Variants in AUTS2 observed in about 807,000 individuals in gnomAD.
AUTS2 encodes activator of transcription and developmental regulator AUTS2, also known as autism susceptibility gene 2 protein.
AUTS2 carries 17 observed loss-of-function variants against 112.4 expected under a neutral mutation model. The observed-to-expected ratio is 0.15, with a 90% CI of 0.10 to 0.23. The LOEUF is 0.23. AUTS2 is among the 10% of genes least tolerant of loss of function. The pLI is 1.00. For missense variants in AUTS2, 1,510 were observed against 1,701.6 expected (o/e 0.89, Z 1.98); for synonymous variants, 751 against 702.7 (o/e 1.07, Z -1.09).
intron 4 of AUTS2, among the ~76,000 whole-genome samples, chr7:70,219,763 G>A (rs1343465548): frequency 6.6e-6 from 1 of 151,770 alleles, no homozygotes; most frequent in African/African-American, 2.4e-5. Flanking sequence ...GTAGAGACAG[G>A]GTTTCACCAC....
intron 6 of AUTS2, among the ~76,000 whole-genome samples, chr7:70,742,854 C>G (rs1788198492): frequency 6.6e-6 from 1 of 152,140 alleles, no homozygotes; most frequent in African/African-American, 2.4e-5. Flanking sequence ...GAATCGGAGA[C>G]TCTTAGAACT....
rs572354089 is a variant in AUTS2 at position 70,335,874 on chromosome 7, A to G, written c.661-99878A>G. On this transcript the variant is annotated intron_variant, in intron 4 of 18. Coordinates refer to ENST00000342771, the MANE Select transcript of AUTS2 (RefSeq NM_015570.4). ...AAGCCAATTGTGCATGACATAGTGC[A>G]GGTCTCTGTATGTAGTTATGGAAAA... Among the ~76,000 whole-genome samples the G allele has an allele frequency of 9.8e-5, 15 of 152,336 alleles. 1 individual carries two copies. The South Asian group carries it at 2.9e-3, about 29-fold the overall frequency.
chr7:70,425,678 GC>G (rs1000124223), intron 4 of AUTS2, among the ~76,000 whole-genome samples: 4 of 152,190 alleles, frequency 2.6e-5, no homozygotes, highest in Non-Finnish European at 4.4e-5. Flanking sequence ...TTCACTGCCT[GC>G]CTGGGGAGCA....
At chr7:70,559,532 A>G (rs1801392982) in intron 5 of AUTS2, among the ~76,000 whole-genome samples, 1 of 151,842 alleles carries the variant, frequency 6.6e-6, no homozygotes, top group African/African-American at 2.4e-5. Context: ...ATGGGGTTTC[A>G]CCATATGGTC....
At chr7:70,506,652 A>G (rs549931078) in intron 5 of AUTS2, among the ~76,000 whole-genome samples, 39 of 152,334 alleles carry the variant, frequency 2.6e-4, no homozygotes, top group African/African-American at 8.4e-4. Flanking sequence ...GGTCAACTGC[A>G]GATACACCAT....
intron 1 of AUTS2, among the ~76,000 whole-genome samples, chr7:69,657,484 G>A (rs907585521): frequency 3.3e-5 from 5 of 152,198 alleles, no homozygotes; most frequent in African/African-American, 1.2e-4. Flanking sequence ...CTTAAGAGTC[G>A]CAGTCAGCTA....
chr7:70,362,807 T>A (rs142043473), intron 4 of AUTS2, among the ~76,000 whole-genome samples: 2 of 152,302 alleles, frequency 1.3e-5, no homozygotes, highest in Admixed American at 1.3e-4. Context: ...TTTCAACAGA[T>A]ACTTAAGGAC....
At chr7:69,832,916 A>T (rs1293315132) in intron 1 of AUTS2, among the ~76,000 whole-genome samples, 1 of 152,222 alleles carries the variant, frequency 6.6e-6, no homozygotes, top group East Asian at 1.9e-4. Context: ...AACAGAAAAT[A>T]CTAATTAGTT....
chr7:70,258,223 A>G (rs1046823145), intron 4 of AUTS2, among the ~76,000 whole-genome samples: 1 of 152,244 alleles, frequency 6.6e-6, no homozygotes, highest in Non-Finnish European at 1.5e-5. Flanking sequence ...TGGTTTGACA[A>G]TGTTGAGACT....
chr7:70,570,792 T>A (rs553072094), intron 5 of AUTS2, among the ~76,000 whole-genome samples: 5 of 152,180 alleles, frequency 3.3e-5, no homozygotes, highest in Non-Finnish European at 5.9e-5. Context: ...TCCCATCTGA[T>A]CTCTTGTCTT....
intron 5 of AUTS2, among the ~76,000 whole-genome samples, chr7:70,633,547 G>T (rs1038263715): frequency 6.0e-5 from 9 of 150,018 alleles, no homozygotes; most frequent in African/African-American, 1.7e-4. Flanking sequence ...GGAGGCGGAG[G>T]TTGCAGTGAG....
At chr7:70,005,823 A>G (rs934433234) in intron 2 of AUTS2, among the ~76,000 whole-genome samples, 4 of 151,478 alleles carry the variant, frequency 2.6e-5, no homozygotes, top group African/African-American at 9.7e-5. Flanking sequence ...TAATTTTAGT[A>G]TATTTTATGT....
At chr7:70,260,589 C>T (rs1173360999) in intron 4 of AUTS2, among the ~76,000 whole-genome samples, 1 of 151,798 alleles carries the variant, frequency 6.6e-6, no homozygotes, top group African/African-American at 2.4e-5. Flanking sequence ...TCTTATAAAG[C>T]TACCTGTCTC....
At chr7:69,858,574 G>T (rs1467018817) in intron 1 of AUTS2, among the ~76,000 whole-genome samples, 1 of 152,170 alleles carries the variant, frequency 6.6e-6, no homozygotes, top group African/African-American at 2.4e-5. Flanking sequence ...TGCTTCCCCT[G>T]CTGAGCTGCT....
At chr7:69,977,541 A>G (rs1442103149) in intron 2 of AUTS2, among the ~76,000 whole-genome samples, 1 of 152,212 alleles carries the variant, frequency 6.6e-6, no homozygotes, top group Admixed American at 6.5e-5. Flanking sequence ...CATTTTAACA[A>G]CAGTAGGTAT....
At chr7:70,002,501 A>T (rs1407096707) in intron 2 of AUTS2, among the ~76,000 whole-genome samples, 1 of 152,168 alleles carries the variant, frequency 6.6e-6, no homozygotes, top group Admixed American at 6.6e-5. Flanking sequence ...TGGGTCATAA[A>T]TATGGTAGAT....
intron 4 of AUTS2, among the ~76,000 whole-genome samples, chr7:70,308,063 G>A (rs78416620): frequency 6.6e-6 from 1 of 152,160 alleles, no homozygotes; most frequent in African/African-American, 2.4e-5. Context: ...ATGAATATTT[G>A]TTGACAGTGA....
At chr7:70,598,236 C>G (rs539963620) in intron 5 of AUTS2, among the ~76,000 whole-genome samples, 24 of 152,266 alleles carry the variant, frequency 1.6e-4, no homozygotes, top group African/African-American at 5.3e-4. Flanking sequence ...CCTGTTTTGT[C>G]ATTGCTACCA....
chr7:70,728,707 CAAAAA>C (rs55878540), intron 6 of AUTS2, among the ~76,000 whole-genome samples: 24,407 of 81,720 alleles, frequency 0.3, 2,540 homozygotes, highest in East Asian at 0.56. Flanking sequence ...GACTCTGTCT[CAAAAA>C]AAAAAAAAAA....
Sources: gnomAD v4.1 joint callset for allele counts (sites outside exome capture counted in the v4.1 genomes callset) on GRCh38, gnomAD v4.1.1 for gene constraint, MANE v1.5 for transcripts, NCBI Gene and HGNC (gene_info 2026-07-23, HGNC 2026-07-21) for gene names.